ALS2CL: variants seen among roughly 807,000 people sequenced by gnomAD.
ALS2CL encodes ALS2 C-terminal like, also known as ALS2 C-terminal-like protein.
ALS2CL carries 112 observed loss-of-function variants against 127.9 expected under a neutral mutation model. That is an observed-to-expected ratio of 0.88 (90% CI 0.75 to 1.02). The LOEUF is 1.02. Among genes scored for constraint, ALS2CL ranks in the 50% least tolerant of loss-of-function variants. The pLI, the probability that ALS2CL is intolerant of heterozygous loss-of-function variation, is 0.00. For missense variants in ALS2CL, 1,174 were observed against 1,236.7 expected, an observed-to-expected ratio of 0.95 and a Z score of 0.76; for synonymous variants, 519 against 527.6, an observed-to-expected ratio of 0.98 and a Z score of 0.22.
chr3:46,677,080 A>T (rs1458615923), intron 16 of ALS2CL, 58 bp from the exon 17 acceptor site: 13 of 1,544,342 alleles, frequency 8.4e-6, no homozygotes, highest in Non-Finnish European at 1.0e-5. Context: ...TGAGGTAGGC[A>T]GGACTCTGCC....
chr3:46,675,700 A>G lies in ALS2CL; in HGVS notation c.2187-14T>C, dbSNP rs1698761988. On this transcript the variant is annotated splice_polypyrimidine_tract_variant and intron_variant, in intron 19 of 25. Coordinates refer to ENST00000318962, the MANE Select transcript of ALS2CL (RefSeq NM_147129.5). The stretch of plus-strand genomic sequence containing the variant: ...CGCAGCAGACCCCTGTGAGTCAATG[A>G]GAGAGAAATGGTGTGGCTGCCCCTT... The G allele has an allele frequency of 6.2e-7, 1 of 1,613,328 alleles. No homozygotes were observed. The highest frequency in any genetic ancestry group is 2.2e-5 in the East Asian group (1 of 44,882).
intron 16 of ALS2CL, chr3:46,677,471 G>GATACGGCGAC: frequency 1.1e-6 from 1 of 874,412 alleles, no homozygotes; most frequent in Non-Finnish European, 1.4e-6. Flanking sequence ...ATGGAGCCCT[G>GATACGGCGAC]CACTCCAGTG....
At position 46,685,515 on chromosome 3, in the gene ALS2CL, C is replaced by T; in HGVS notation, c.786+10G>A. The T allele has an allele frequency of 6.2e-7, 1 of 1,613,216 alleles. No homozygotes were observed. The stretch of plus-strand genomic sequence containing the variant: ...GTGGCCTCAAGACCTTGGGTCAGCC[C>T]CACCCCAACCTGCAGCAGGACGAGG... On this transcript the variant is annotated intron_variant, in intron 7 of 25. Transcript: ENST00000318962.
intron 1 of ALS2CL, among the ~76,000 whole-genome samples, chr3:46,692,041 T>C (rs533677424): frequency 3.9e-5 from 6 of 152,220 alleles, no homozygotes; most frequent in Middle Eastern, 3.4e-3. Context: ...GTCTTCCACA[T>C]CTGTGGCCCC....
intron 15 of ALS2CL, 51 bp from the exon 16 acceptor site, chr3:46,678,440 C>A (rs754595611): frequency 4.4e-6 from 7 of 1,576,740 alleles, no homozygotes; most frequent in Non-Finnish European, 6.0e-6. Flanking sequence ...GTTACCCTTC[C>A]AGCCAATCAT....
intron 19 of ALS2CL, 110 bp downstream of exon 19, chr3:46,676,135 T>C: frequency 4.7e-6 from 7 of 1,476,804 alleles, no homozygotes; most frequent in Non-Finnish European, 6.3e-6. Context: ...TCTGGTTCAT[T>C]GTTGAATCAG....
intron 1 of ALS2CL, among the ~76,000 whole-genome samples, chr3:46,693,169 C>T (rs1381758442): frequency 1.3e-5 from 2 of 152,256 alleles, no homozygotes; most frequent in African/African-American, 4.8e-5. Context: ...CCCCTCCCTG[C>T]TGTCGCATAT....
At chr3:46,689,511 G>A (rs1489843334) in intron 1 of ALS2CL, 46 bp from the exon 2 acceptor site, 2 of 1,307,006 alleles carry the variant, frequency 1.5e-6, no homozygotes, top group Non-Finnish European at 2.1e-6. Context: ...ACAGGAGCAA[G>A]GCCAGTGCCC....
rs1282911778 is a variant in ALS2CL at position 46,681,490 on chromosome 3, G to A, written c.1274+10C>T. Reference sequence around the variant, plus strand: ...CCCAGCCCATGAACCCCCCAGCCAGGGTCACTTACTCACAGATGCCGTAGC... The same window carrying A: ...CCCAGCCCATGAACCCCCCAGCCAGAGTCACTTACTCACAGATGCCGTAGC... On this transcript the variant is annotated intron_variant, in intron 12 of 25. Transcript: ENST00000318962. The surrounding 1 kb of genome is among the most constrained non-coding windows in gnomAD (Gnocchi z 4.9). 1.1e-5 allele frequency: 18 copies of A among 1,614,034 alleles called. No individual in the cohort carries two copies. Among genetic ancestry groups the A allele is most frequent in the East Asian group, 2.2e-5 (1 of 44,876 alleles).
At chr3:46,680,889 T>C in intron 13 of ALS2CL, 2 of 529,988 alleles carry the variant, frequency 3.8e-6, no homozygotes, top group Middle Eastern at 5.1e-4. Flanking sequence ...GAGACGCAGC[T>C]GGGGTGAGGT....
rs1398316205 is a variant in ALS2CL at position 46,678,299 on chromosome 3, T to C, written c.1717A>G (p.Thr573Ala). 1 of 1,607,736 alleles carries C rather than the reference T, an allele frequency of 6.2e-7. No individual in the cohort carries two copies. Among genetic ancestry groups the C allele is most frequent in the South Asian group, 1.1e-5 (1 of 90,586 alleles). The change falls in exon 16 of 26, where the codon ACG becomes GCG. Residue 573 changes from threonine to alanine, a missense_variant. By Grantham distance (58) the Thr-to-Ala change is moderately conservative. Coordinates refer to ENST00000318962, the MANE Select transcript of ALS2CL (RefSeq NM_147129.5). ...RGLHTQGVLD[T>A]AALPPDPSST... ...CTCGGGTCTGGTGGGAGGGCAGCCG[T>C]GTCCAGCACACCCTGTGTGTGCAGT...
chr3:46,674,965 G>T, intron 20 of ALS2CL: 1 of 450,374 alleles, frequency 2.2e-6, no homozygotes. Context: ...TGGCAGGTGG[G>T]GCAGGAGTTG....
chr3:46,678,304 A>G lies in ALS2CL; in HGVS notation c.1712T>C (p.Leu571Pro). ...GTCTGGTGGGAGGGCAGCCGTGTCCAGCACACCCTGTGTGTGCAGTCCTCT... is the reference window on the plus strand; with the variant it reads ...GTCTGGTGGGAGGGCAGCCGTGTCCGGCACACCCTGTGTGTGCAGTCCTCT... ...AGRGLHTQGV[L>P]DTAALPPDPS... Residue 571 changes from leucine (L) to proline (P), a missense_variant, in exon 16 of 26, where the codon CTG becomes CCG. Leu to Pro is a moderately conservative substitution (Grantham distance 98). Coordinates refer to ENST00000318962, the MANE Select transcript of ALS2CL (RefSeq NM_147129.5). The G allele has an allele frequency of 6.2e-7, 1 of 1,609,456 alleles. No homozygotes were observed. The highest frequency in any genetic ancestry group is 8.5e-7 in the Non-Finnish European group (1 of 1,176,760).
Position 46,679,235 on chromosome 3 carries a change from G to A in ALS2CL, c.1601C>T (p.Thr534Ile). The A allele has an allele frequency of 2.5e-6, 4 of 1,579,778 alleles. No homozygotes were observed. The highest frequency in any genetic ancestry group is 3.4e-6 in the Non-Finnish European group (4 of 1,162,006). The change falls in exon 15 of 26, where the codon ACC (threonine) becomes ATC (isoleucine). Residue 534 changes from threonine (T) to isoleucine (I), a missense_variant. Coordinates refer to ENST00000318962, the MANE Select transcript of ALS2CL (RefSeq NM_147129.5). ...EDDSLYEGTF[T>I]RDLTLMGKGK... ...CTTCCCCATGAGGGTCAGGTCCCTG[G>A]TGAAGGTGCCCTCATACAGGGAGTC...
In ALS2CL at chr3:46,683,288, C is replaced by A; in HGVS notation, c.951G>T (p.Gln317His). ...WQWKVTWAVHQALHGKKDFPV... is the reference protein window; with the variant it reads ...WQWKVTWAVHHALHGKKDFPV... ...GGAAGTCCTTCTTCCCATGCAGGGC[C>A]TGGTGAACAGCCCAGGTCACCTTCC... The change falls in exon 10 of 26, where the codon CAG becomes CAT. Residue 317 changes from glutamine (Q) to histidine (H), a missense_variant. Coordinates refer to ENST00000318962, the MANE Select transcript of ALS2CL (RefSeq NM_147129.5). 1 of 1,601,780 alleles carries A rather than the reference C, an allele frequency of 6.2e-7. No individual in the cohort carries two copies. Among genetic ancestry groups the A allele is most frequent in the South Asian group, 1.1e-5 (1 of 89,412 alleles).
At chr3:46,685,983 G>A (rs922068992) in intron 6 of ALS2CL, among the ~76,000 whole-genome samples, 2 of 152,202 alleles carry the variant, frequency 1.3e-5, no homozygotes, top group African/African-American at 4.8e-5. Flanking sequence ...TCAGGGCACA[G>A]GGGACTCTCC....
chr3:46,680,475 C>A lies in ALS2CL; in HGVS notation c.1503G>T (p.Gln501His). The change falls in exon 14 of 26, where the codon CAG (glutamine) becomes CAT (histidine). Residue 501 changes from glutamine (Q) to histidine (H), a missense_variant. Gln to His is a conservative substitution (Grantham distance 24). Transcript: ENST00000318962. ...QRHGPGVMVTQAGVCYQGTFQ... is the reference protein window; with the variant it reads ...QRHGPGVMVTHAGVCYQGTFQ... ...AGGTGCCCTGGTAGCAGACACCTGC[C>A]TGGGTGACCATGACCCCTGGGCCGT... 6.2e-7 allele frequency: 1 copy of A among 1,613,546 alleles called. No individual in the cohort carries two copies. Among genetic ancestry groups the A allele is most frequent in the Non-Finnish European group, 8.5e-7 (1 of 1,180,022 alleles).
rs756172215 is a variant in ALS2CL, at chr3:46,671,916, C to T, written c.2652G>A (p.Leu884=). The T allele has an allele frequency of 5.0e-6, 8 of 1,614,026 alleles. No individual in the cohort carries two copies. The highest frequency in any genetic ancestry group is 6.8e-6 in the Non-Finnish European group (8 of 1,180,028). The change falls in exon 24 of 26, where the codon CTG becomes CTA. Residue 884 remains leucine (L), a synonymous_variant. Transcript: ENST00000318962. ...GCGACACCACGTAGATGAGAAGTGG[C>T]AGCAGGTCGTCCATGGGCAGCTTGT... ...REYKLPMDDL[L]PLLIYVVSRA...
At chr3:46,689,575 C>G in intron 1 of ALS2CL, 110 bp from the exon 2 acceptor site, 1 of 674,166 alleles carries the variant, frequency 1.5e-6, no homozygotes, top group Non-Finnish European at 2.5e-6. Context: ...CACATCAGAA[C>G]TGAGCAGTGA....
Sources: gnomAD v4.1 joint callset for allele counts (sites outside exome capture counted in the v4.1 genomes callset) on GRCh38, gnomAD v4.1.1 for gene constraint, Gnocchi (gnomAD v3.1) non-coding constraint, MANE v1.5 for transcripts, NCBI Gene and HGNC (gene_info 2026-07-23, HGNC 2026-07-21) for gene names.